EIF4G1: variants seen among roughly 807,000 people sequenced by gnomAD.
EIF4G1 encodes eukaryotic translation initiation factor 4 gamma 1.
A neutral mutation model predicts 187.8 loss-of-function variants in EIF4G1; 4 were observed. That is an observed-to-expected ratio of 0.02 (90% confidence interval 0.01 to 0.05). The LOEUF (loss-of-function observed/expected upper bound fraction) is 0.05, where lower values mean the gene tolerates loss of function less well. Ranked by LOEUF, EIF4G1 falls within the 10% of genes least tolerant of loss-of-function variation. EIF4G1 has a pLI of 1.00. For synonymous variants in EIF4G1, 844 were observed against 781.4 expected (o/e 1.08, Z -1.34); for missense variants, 1,647 against 2,081.1 (o/e 0.79, Z 4.06).
chr3:184,319,302 A>T (rs1723357223), intron 6 of EIF4G1: 3 of 260,720 alleles, frequency 1.2e-5, no homozygotes, highest in Non-Finnish European at 7.7e-6. Flanking sequence ...TCAGGTTCAG[A>T]GTATGTGTGT....
rs892097569 is a variant in EIF4G1, at chr3:184,316,405, C to T, written c.147+187C>T. Reference sequence around the variant, plus strand: ...GCTGGTCCCTTGGATAGTATGTTGTCAATGAGGGTGGCATTACTGGGATCC... The same window carrying T: ...GCTGGTCCCTTGGATAGTATGTTGTTAATGAGGGTGGCATTACTGGGATCC... On this transcript the variant is annotated intron_variant, in intron 4 of 32. Transcript: ENST00000346169. Among the ~76,000 whole-genome samples the T allele has an allele frequency of 1.7e-4, 26 of 152,224 alleles. No homozygotes were observed. In the Middle Eastern group the frequency reaches 0.014, roughly 80 times the overall value.
chr3:184,316,724 G>A, intron 4 of EIF4G1: 3 of 1,595,598 alleles, frequency 1.9e-6, no homozygotes, highest in Non-Finnish European at 2.5e-6. Flanking sequence ...GAGGATTCAG[G>A]TCTCTGCAGG....
rs35656086 is a variant in EIF4G1, at chr3:184,326,568, A to T, written c.3264A>T (p.Gly1088=). Residue 1088 remains glycine, a synonymous_variant, in exon 22 of 33, where the codon GGA becomes GGT. Coordinates refer to ENST00000346169, the MANE Select transcript of EIF4G1 (RefSeq NM_198241.3). ...CTAACAACCAGCTCTTTGCACCTGG[A>T]GGGCGACTGAGCTGGGGCAAGGGCA... ...IDSNNQLFAP[G]GRLSWGKGSS... is the part of the protein sequence containing the mutation. The T allele has an allele frequency of 6.2e-7, 1 of 1,613,326 alleles. No individual in the cohort carries two copies. The highest frequency in any genetic ancestry group is 8.5e-7 in the Non-Finnish European group (1 of 1,180,002).
chr3:184,319,882 GAGC>G lies in EIF4G1; in HGVS notation c.537+84_537+86del, dbSNP rs1248964850. The G allele has an allele frequency of 4.8e-6, 5 of 1,051,474 alleles. No homozygotes were observed. In the African/African-American group the frequency reaches 7.9e-5, roughly 17 times the overall value. The allele number at this position is 1,051,474 out of a possible 1,614,324, so 65.1% of individuals were successfully genotyped here. On this transcript the variant is annotated intron_variant, in intron 7 of 32. Transcript: ENST00000346169. ...TGCTGCTGGGACATTGTGCCGGAAA[GAGC>G]AGTGACTTGAGGAGGAAGGAGCTGA...
chr3:184,326,845 G>T (rs779988061), intron 22 of EIF4G1, 36 bp from the exon 23 acceptor site: 7 of 1,613,074 alleles, frequency 4.3e-6, no homozygotes, highest in Non-Finnish European at 5.1e-6. Context: ...CAGGAAAGGA[G>T]AAAAAGATTT....
chr3:184,324,780 T>C (rs1724562905), intron 17 of EIF4G1, 98 bp from the exon 18 acceptor site: 1 of 1,350,242 alleles, frequency 7.4e-7, no homozygotes, highest in Non-Finnish European at 1.0e-6. Context: ...GCCTCAGGAC[T>C]GAGTGCTTAT....
At chr3:184,330,666 C>T (rs1725881258) in intron 28 of EIF4G1, among the ~76,000 whole-genome samples, 2 of 152,036 alleles carry the variant, frequency 1.3e-5, no homozygotes, top group South Asian at 4.1e-4. Flanking sequence ...GTTGTCCCTT[C>T]CTAGAGGCCC....
In EIF4G1 at chr3:184,323,443, C is replaced by A; in HGVS notation, c.2124C>A (p.Pro708=). The change falls in exon 15 of 33, where the codon CCC becomes CCA. Residue 708 remains proline, a synonymous_variant. Transcript: ENST00000346169. This position sits in a 1 kb window ranked among gnomAD's most constrained non-coding sequence, Gnocchi z 6.9. ...GLGPRRSQQG[P]RKEPRKIIAT... ...GACCCCGGCGCTCTCAGCAGGGACC[C>A]CGAAAAGAACCACGCAAGATCATTG... 2.5e-6 allele frequency: 4 copies of A among 1,614,190 alleles called. No homozygotes were observed. The highest frequency in any genetic ancestry group is 2.5e-6 in the Non-Finnish European group (3 of 1,180,036).
At chr3:184,327,515 T>C in intron 24 of EIF4G1, 67 bp downstream of exon 24, 1 of 1,612,216 alleles carries the variant, frequency 6.2e-7, no homozygotes, top group Non-Finnish European at 8.5e-7. Flanking sequence ...GTCCCCAGCT[T>C]TTTGAGAGCT....
rs1465507059 is a variant in EIF4G1 at position 184,325,942 on chromosome 3, G to C, written c.3213G>C (p.Lys1071Asn). ...SRPIDTSRLT[K>N]ITKPGSIDSN... ...CCATTGACACCTCACGACTCACCAA[G>C]ATCACCAAGGTAGGGGTGTGTGTGG... is the stretch of plus-strand genomic sequence containing the variant. Residue 1071 changes from lysine to asparagine, a missense_variant, in exon 21 of 33, where the codon AAG becomes AAC. Coordinates refer to ENST00000346169, the MANE Select transcript of EIF4G1 (RefSeq NM_198241.3). This position sits in a 1 kb window ranked among gnomAD's most constrained non-coding sequence, Gnocchi z 5.2. 1 of 1,614,044 alleles carries C rather than the reference G, an allele frequency of 6.2e-7. No individual in the cohort carries two copies. The highest frequency in any genetic ancestry group is 8.5e-7 in the Non-Finnish European group (1 of 1,180,030).
At chr3:184,332,461 C>T (rs1380470338) in intron 32 of EIF4G1, among the ~76,000 whole-genome samples, 1 of 152,120 alleles carries the variant, frequency 6.6e-6, no homozygotes, top group Admixed American at 6.5e-5. Flanking sequence ...ATGGTATTAC[C>T]CCTATTTTCC....
chr3:184,317,738 C>T lies in EIF4G1; in HGVS notation c.346C>T (p.Pro116Ser). The part of the protein sequence containing the change: ...PGQGRSTYVV[P>S]TQQYPVQPGA... ...CCAGGGGCGTTCCACATACGTTGTC[C>T]CGACACAGCAGTACCCTGTGCAGCC... is the stretch of plus-strand genomic sequence containing the variant. Residue 116 changes from proline (P) to serine (S), a missense_variant, in exon 6 of 33, where the codon CCG becomes TCG. By Grantham distance (74) the Pro-to-Ser change is moderately conservative. Around this residue, in one of 11 missense-constraint regions of EIF4G1, gnomAD observed 139 missense variants for 187.3 expected, o/e 0.74. Transcript: ENST00000346169. The T allele has an allele frequency of 6.2e-7, 1 of 1,614,096 alleles. No homozygotes were observed. Among genetic ancestry groups the T allele is most frequent in the Non-Finnish European group, 8.5e-7 (1 of 1,180,018 alleles).
rs1724109404 is a variant in EIF4G1, at chr3:184,322,581, C to T, written c.1646C>T (p.Pro549Leu). The T allele has an allele frequency of 8.7e-6, 14 of 1,614,168 alleles. No individual in the cohort carries two copies. The highest frequency in any genetic ancestry group is 1.1e-5 in the Non-Finnish European group (13 of 1,180,030). Residue 549 changes from proline (P) to leucine (L), a missense_variant, in exon 12 of 33, where the codon CCT (proline) becomes CTT (leucine). By Grantham distance (98) the Pro-to-Leu change is moderately conservative (BLOSUM62 -3). This residue lies in a region of EIF4G1 where 522 missense variants were observed against 485.2 expected (regional missense o/e 1.08). Transcript: ENST00000346169. ...PAVPEVENQPPAGSNPGPESE... is the reference protein window; with the variant it reads ...PAVPEVENQPLAGSNPGPESE... ...GTACCAGAGGTGGAAAATCAGCCTC[C>T]TGCAGGCAGCAATCCAGGCCCAGAG... is the stretch of plus-strand genomic sequence containing the variant.
Position 184,334,586 on chromosome 3 carries a change from C to T in EIF4G1, c.4619-141C>T. On this transcript the variant is annotated intron_variant, in intron 32 of 32. Transcript: ENST00000346169. The surrounding 1 kb of genome is among the most constrained non-coding windows in gnomAD (Gnocchi z 5.8). ...CATGAGATTAGCATCCTGTCAGAGG[C>T]CTAGTCACTCTGGAATGGCCACAAA... The T allele has an allele frequency of 1.1e-6, 1 of 914,516 alleles. No homozygotes were observed. The highest frequency in any genetic ancestry group is 1.8e-6 in the Non-Finnish European group (1 of 571,264). The allele number at this position is 914,516 out of a possible 1,614,324, so 56.7% of individuals were successfully genotyped here. A position where few individuals can be genotyped will look rare whatever the true frequency, so the allele number is the denominator to read the frequency against.
intron 11 of EIF4G1, 42 bp downstream of exon 11, chr3:184,322,492 G>T (rs1315754799): frequency 4.3e-6 from 7 of 1,614,014 alleles, no homozygotes; most frequent in South Asian, 1.1e-5. Context: ...CCAAGTTGAG[G>T]TATGGAGCAG....
chr3:184,331,672 A>G, intron 30 of EIF4G1, 56 bp from the exon 31 acceptor site: 2 of 1,613,770 alleles, frequency 1.2e-6, no homozygotes, highest in South Asian at 2.2e-5. Flanking sequence ...GGCAGCAAGA[A>G]TGAAGACTGA....
chr3:184,315,766 C>T lies in EIF4G1; in HGVS notation c.-31C>T. 6.4e-7 allele frequency: 1 copy of T among 1,551,106 alleles called. No individual in the cohort carries two copies. Among genetic ancestry groups the T allele is most frequent in the Non-Finnish European group, 8.7e-7 (1 of 1,146,448 alleles). Reference sequence around the variant, plus strand: ...GAGCGCCACTCTTTCCCAACAGGTGCTGGGGGGACCCTGATGTGGCACCAA... The same window carrying T: ...GAGCGCCACTCTTTCCCAACAGGTGTTGGGGGGACCCTGATGTGGCACCAA... On this transcript the variant is annotated 5_prime_UTR_variant, in exon 3 of 33. Transcript: ENST00000346169.
In EIF4G1 at chr3:184,320,619, T is replaced by G. The variant is rs1048630092; in HGVS notation, c.538-11T>G. Reference sequence around the variant, plus strand: ...CTGCTTCCCACTCATCTTATAGCTTTCTTTCCCCAGATCCGAATTCGAGAT... The same window carrying G: ...CTGCTTCCCACTCATCTTATAGCTTGCTTTCCCCAGATCCGAATTCGAGAT... On this transcript the variant is annotated splice_polypyrimidine_tract_variant and intron_variant, in intron 7 of 32. Transcript: ENST00000346169. 1.2e-5 allele frequency: 20 copies of G among 1,613,944 alleles called. No homozygotes were observed. Among genetic ancestry groups the G allele is most frequent in the Non-Finnish European group, 1.4e-5 (17 of 1,179,990 alleles).
intron 4 of EIF4G1, 152 bp downstream of exon 4, chr3:184,316,370 A>T (rs995500323): frequency 6.7e-6 from 7 of 1,041,944 alleles, no homozygotes; most frequent in Non-Finnish European, 8.3e-6. Context: ...CCTGTTGATT[A>T]CTCACGGTGG....
Sources: gnomAD v4.1 joint callset for allele counts (sites outside exome capture counted in the v4.1 genomes callset) on GRCh38, gnomAD v4.1.1 for gene constraint, gnomAD v4.1.1 regional missense constraint, Gnocchi (gnomAD v3.1) non-coding constraint, MANE v1.5 for transcripts, NCBI Gene and HGNC (gene_info 2026-07-23, HGNC 2026-07-21) for gene names.